The following SPINK5 variants were observed in gnomAD, a reference collection of about 807,000 sequenced individuals.
The protein encoded by SPINK5 is serine protease inhibitor Kazal-type 5.
SPINK5 carries 125 observed loss-of-function variants against 151.8 expected under a neutral mutation model. That is an observed-to-expected ratio of 0.82 (90% confidence interval 0.71 to 0.96). The LOEUF (loss-of-function observed/expected upper bound fraction) is 0.96. SPINK5 is among the 40% of genes least tolerant of loss of function. The pLI is 0.00. For synonymous variants in SPINK5, 374 were observed against 395.3 expected (o/e 0.95, Z 0.64); for missense variants, 1,194 against 1,291.9 (o/e 0.92, Z 1.16).
In SPINK5 at chr5:148,125,850, T is replaced by A; in HGVS notation, c.2867T>A (p.Phe956Tyr). The change falls in exon 29 of 33, where the codon TTT (phenylalanine) becomes TAT (tyrosine). Residue 956 changes from phenylalanine to tyrosine, a missense_variant and splice_region_variant. Transcript: ENST00000256084. ...AAGTGCTACATGTGCAGAGCTGTCT[T>A]GTGAGTAAGAGGATTCTGCTCCCCC... ...TNKCYMCRAVFLTEALERAKL... is the reference protein window; with the variant it reads ...TNKCYMCRAVYLTEALERAKL... 1.2e-6 allele frequency: 2 copies of A among 1,614,156 alleles called. No homozygotes were observed. The highest frequency in any genetic ancestry group is 1.7e-6 in the Non-Finnish European group (2 of 1,180,018).
intron 2 of SPINK5, among the ~76,000 whole-genome samples, chr5:148,068,591 A>G (rs534791461): frequency 1.4e-3 from 218 of 150,472 alleles, no homozygotes; most frequent in Non-Finnish European, 2.7e-3. Context: ...AGAAAGAAAG[A>G]AAGAAAGAAA....
intron 24 of SPINK5, 130 bp from the exon 25 acceptor site, chr5:148,119,879 G>A (rs1460703487): frequency 1.1e-6 from 1 of 928,366 alleles, no homozygotes; most frequent in Non-Finnish European, 1.7e-6. Flanking sequence ...CTCTCTGTGG[G>A]ACATTATTTT....
At chr5:148,108,972 A>G in intron 18 of SPINK5, 135 bp downstream of exon 18, 3 of 1,451,572 alleles carry the variant, frequency 2.1e-6, no homozygotes, top group South Asian at 1.2e-5. Flanking sequence ...GGATCCCCAT[A>G]TACAAGAGTA....
At chr5:148,079,857 G>T (rs1193900690) in intron 4 of SPINK5, among the ~76,000 whole-genome samples, 2 of 150,902 alleles carry the variant, frequency 1.3e-5, no homozygotes, top group African/African-American at 4.9e-5. Context: ...AGCAAAGGGT[G>T]GTTTACTGTC....
At chr5:148,114,599 G>T in intron 21 of SPINK5, 110 bp downstream of exon 21, 1 of 1,482,554 alleles carries the variant, frequency 6.7e-7, no homozygotes, top group South Asian at 1.1e-5. Flanking sequence ...AATAGAAACA[G>T]AAGGTTATCT....
chr5:148,132,868 G>A (rs1486752948), intron 31 of SPINK5, among the ~76,000 whole-genome samples: 1 of 152,064 alleles, frequency 6.6e-6, no homozygotes, highest in African/African-American at 2.4e-5. Flanking sequence ...GACCTTATAG[G>A]TTTTTAAGAA....
At chr5:148,106,177 T>C (rs1056637194) in intron 16 of SPINK5, among the ~76,000 whole-genome samples, 2 of 152,186 alleles carry the variant, frequency 1.3e-5, no homozygotes, top group African/African-American at 4.8e-5. Context: ...TCTCCACTCC[T>C]ATTCTTACCC....
chr5:148,079,990 T>C lies in SPINK5; in HGVS notation c.283-6415T>C, dbSNP rs6875991. On this transcript the variant is annotated intron_variant, in intron 4 of 32. Coordinates refer to ENST00000256084, the MANE Select transcript of SPINK5 (RefSeq NM_006846.4). Reference sequence around the variant, plus strand: ...AACTGTCTTTAATTCCAAAACATGATACCATATATGAAAAGTTCTAGGGAT... The same window carrying C: ...AACTGTCTTTAATTCCAAAACATGACACCATATATGAAAAGTTCTAGGGAT... Among the ~76,000 whole-genome samples, 1,487 of 151,114 alleles carry C rather than the reference T, an allele frequency of 9.8e-3. 33 individuals are homozygous for C. The highest frequency in any genetic ancestry group is 0.034 in the African/African-American group (1,417 of 41,404).
Position 148,089,573 on chromosome 5 carries a change from C to T in SPINK5, c.554C>T (p.Pro185Leu). ...AGGGAAAATGATCCTGTTCTTGGTC[C>T]TGATGGGAAGACGCATGGCAATAAG... The part of the protein sequence containing the change: ...CTRENDPVLG[P>L]DGKTHGNKCA... Residue 185 changes from proline to leucine, a missense_variant, in exon 7 of 33, where the codon CCT becomes CTT. Coordinates refer to ENST00000256084, the MANE Select transcript of SPINK5 (RefSeq NM_006846.4). The T allele has an allele frequency of 6.2e-7, 1 of 1,612,106 alleles. No homozygotes were observed. The highest frequency in any genetic ancestry group is 1.7e-5 in the Admixed American group (1 of 59,842).
rs73794671 is a variant in SPINK5 at position 148,111,464 on chromosome 5, A to G, written c.1693-304A>G. 0.15 allele frequency among the ~76,000 whole-genome samples: 23,167 copies of G among 152,050 alleles called. 2,392 individuals carry two copies. Among genetic ancestry groups the G allele is most frequent in the East Asian group, 0.32 (1,637 of 5,134 alleles). On this transcript the variant is annotated intron_variant, in intron 18 of 32. Coordinates refer to ENST00000256084, the MANE Select transcript of SPINK5 (RefSeq NM_006846.4). Reference sequence around the variant, plus strand: ...TAGACGTATTTGGTGGAACGGTATTATTCTGTATACCACAGATTCCTTTAC... The same window carrying G: ...TAGACGTATTTGGTGGAACGGTATTGTTCTGTATACCACAGATTCCTTTAC...
chr5:148,134,911 G>A (rs1215528232), intron 32 of SPINK5, among the ~76,000 whole-genome samples: 1 of 151,686 alleles, frequency 6.6e-6, no homozygotes, highest in Non-Finnish European at 1.5e-5. Context: ...TCTTAGTCAA[G>A]CAATACTAGA....
intron 4 of SPINK5, among the ~76,000 whole-genome samples, chr5:148,085,858 C>T (rs1245117108): frequency 8.6e-5 from 13 of 151,752 alleles, no homozygotes; most frequent in Admixed American, 8.5e-4. Flanking sequence ...TATGTAAATC[C>T]CTATATAGTC....
intron 24 of SPINK5, among the ~76,000 whole-genome samples, chr5:148,119,429 C>CAGAT: frequency 6.6e-6 from 1 of 152,298 alleles, no homozygotes; most frequent in Non-Finnish European, 1.5e-5. Context: ...TTACTATAAG[C>CAGAT]AGATGCGTAA....
At chr5:148,082,207 T>A (rs562487942) in intron 4 of SPINK5, among the ~76,000 whole-genome samples, 1 of 151,700 alleles carries the variant, frequency 6.6e-6, no homozygotes, top group South Asian at 2.1e-4. Flanking sequence ...CTGTTGTTTC[T>A]GTTTTCTATG....
intron 2 of SPINK5, among the ~76,000 whole-genome samples, chr5:148,067,068 A>G (rs1752604869): frequency 6.6e-6 from 1 of 152,236 alleles, no homozygotes; most frequent in African/African-American, 2.4e-5. Flanking sequence ...TGTCATAAAC[A>G]TGAACCTAAA....
chr5:148,068,062 A>T (rs1465283893), intron 2 of SPINK5, among the ~76,000 whole-genome samples: 1 of 152,122 alleles, frequency 6.6e-6, no homozygotes. Flanking sequence ...TGATTCTACT[A>T]TATGGATTTT....
At chr5:148,129,983 A>G (rs1754532845) in intron 30 of SPINK5, among the ~76,000 whole-genome samples, 1 of 151,774 alleles carries the variant, frequency 6.6e-6, no homozygotes. Context: ...TGTTTTCTTG[A>G]CTCTGGTCAA....
Position 148,094,380 on chromosome 5 carries a change from A to G in SPINK5, c.693A>G (p.Gln231=). ...EKDFCKEYEK[Q]VRNGRLFCTR... ...ATTTTTGCAAGGAATATGAAAAACA[A>G]GTGAGAAATGGAAGGCTTTTTTGTA... Residue 231 remains glutamine (Q), a synonymous_variant, in exon 9 of 33, where the codon CAA becomes CAG. Coordinates refer to ENST00000256084, the MANE Select transcript of SPINK5 (RefSeq NM_006846.4). 1 of 1,612,632 alleles carries G rather than the reference A, an allele frequency of 6.2e-7. No homozygotes were observed. Among genetic ancestry groups the G allele is most frequent in the Middle Eastern group, 1.7e-4 (1 of 6,050 alleles).
Position 148,064,024 on chromosome 5 carries a change from G to T in SPINK5, c.-21G>T, listed in dbSNP as rs1328346404. ...AGCAATGCATGGAGTGGACCTGTAG[G>T]CGACTTGCATCGTCTTCAACATGAA... On this transcript the variant is annotated 5_prime_UTR_variant, in exon 1 of 33. Transcript: ENST00000256084. 1 of 1,613,990 alleles carries T rather than the reference G, an allele frequency of 6.2e-7. No homozygotes were observed. Among genetic ancestry groups the T allele is most frequent in the Non-Finnish European group, 8.5e-7 (1 of 1,180,004 alleles).
Sources: allele counts gnomAD v4.1 joint callset (sites outside exome capture counted in the v4.1 genomes callset), GRCh38; gene constraint gnomAD v4.1.1; transcripts MANE v1.5; gene names NCBI Gene and HGNC (gene_info 2026-07-23, HGNC 2026-07-21).